The following SPTLC2 variants were observed in gnomAD, a reference collection of about 807,000 sequenced individuals.
SPTLC2 encodes serine palmitoyltransferase 2.
SPTLC2 carries 21 observed loss-of-function variants against 62.0 expected under a neutral mutation model. The ratio of observed to expected loss-of-function variants is 0.34; its 90% CI spans 0.24 to 0.49. SPTLC2 has a LOEUF of 0.49. Among genes scored for constraint, SPTLC2 ranks in the 20% least tolerant of loss-of-function variants. The pLI, the probability that SPTLC2 is intolerant of heterozygous loss-of-function variation, is 0.99. For missense variants in SPTLC2, 511 were observed against 713.0 expected, an observed-to-expected ratio of 0.72 and a Z score of 3.23; for synonymous variants, 261 against 261.8, an observed-to-expected ratio of 1.00 and a Z score of 0.03.
At chr14:77,572,877 G>C (rs2079691584) in intron 4 of SPTLC2, among the ~76,000 whole-genome samples, 1 of 152,158 alleles carries the variant, frequency 6.6e-6, no homozygotes. Flanking sequence ...AAGCGATTAG[G>C]ATCTTCTTCT....
chr14:77,519,229 G>T (rs867881697), intron 10 of SPTLC2, among the ~76,000 whole-genome samples: 1 of 151,876 alleles, frequency 6.6e-6, no homozygotes, highest in Non-Finnish European at 1.5e-5. Context: ...TAGTAGAGAC[G>T]GGGTTTCACC....
intron 9 of SPTLC2, among the ~76,000 whole-genome samples, chr14:77,533,757 C>T (rs982556175): frequency 6.6e-6 from 1 of 152,110 alleles, no homozygotes; most frequent in Non-Finnish European, 1.5e-5. Context: ...GGCAAATGAA[C>T]GTTTAGATTC....
intron 4 of SPTLC2, among the ~76,000 whole-genome samples, chr14:77,576,463 A>C (rs2079716344): frequency 6.6e-6 from 1 of 152,356 alleles, no homozygotes; most frequent in South Asian, 2.1e-4. Flanking sequence ...TGGCACTCTT[A>C]ACCACTAACA....
intron 9 of SPTLC2, among the ~76,000 whole-genome samples, chr14:77,528,857 C>CA (rs2079422115): frequency 6.6e-6 from 1 of 152,004 alleles, no homozygotes; most frequent in South Asian, 2.1e-4. Flanking sequence ...TTTTTTGAGA[C>CA]AGAGTCTCAC....
At position 77,576,843 on chromosome 14, in the gene SPTLC2, A is replaced by G. The variant is rs1186037410; in HGVS notation, c.555T>C (p.Thr185=). ...SYNYLGFARN[T]GSCQEAAAKV... is the part of the protein sequence containing the mutation. ...TGGCGGCTGCTTCTTGACATGATCC[A>G]GTATTCCGTGCAAATCCAAGATAGT... Residue 185 remains threonine (T), a synonymous_variant, in exon 4 of 12, where the codon ACT becomes ACC. Transcript: ENST00000216484. The G allele has an allele frequency of 6.2e-7, 1 of 1,614,184 alleles. No individual in the cohort carries two copies. Among genetic ancestry groups the G allele is most frequent in the Admixed American group, 1.7e-5 (1 of 60,010 alleles).
intron 9 of SPTLC2, among the ~76,000 whole-genome samples, chr14:77,542,847 G>C (rs539089398): frequency 1.3e-5 from 2 of 152,230 alleles, no homozygotes; most frequent in South Asian, 4.1e-4. Context: ...ATTTCCTGAG[G>C]ACTGCCACAG....
chr14:77,593,087 A>G (rs1463476245), intron 2 of SPTLC2, among the ~76,000 whole-genome samples: 1 of 151,700 alleles, frequency 6.6e-6, no homozygotes. Context: ...TGGGCGACAG[A>G]GTGAGACTCC....
intron 8 of SPTLC2, among the ~76,000 whole-genome samples, chr14:77,553,884 G>A (rs564970986): frequency 1.3e-5 from 2 of 152,016 alleles, no homozygotes; most frequent in East Asian, 1.9e-4. Context: ...GTGTAATCAC[G>A]GCTCACTGCA....
At chr14:77,588,961 C>T (rs1238205974) in intron 2 of SPTLC2, among the ~76,000 whole-genome samples, 1 of 118,886 alleles carries the variant, frequency 8.4e-6, no homozygotes, top group Non-Finnish European at 1.6e-5. Flanking sequence ...TGTGCCACTG[C>T]ACTTCAGCCT....
intron 4 of SPTLC2, among the ~76,000 whole-genome samples, chr14:77,570,878 G>A (rs955025346): frequency 7.4e-6 from 1 of 135,288 alleles, no homozygotes; most frequent in Non-Finnish European, 1.6e-5. Flanking sequence ...TAACTGGCCT[G>A]TTGCAAAAAC....
chr14:77,537,840 C>T (rs1424497714), intron 9 of SPTLC2, among the ~76,000 whole-genome samples: 1 of 152,198 alleles, frequency 6.6e-6, no homozygotes, highest in Admixed American at 6.5e-5. Flanking sequence ...GTGCTAACTA[C>T]ATGGTAAGCA....
intron 11 of SPTLC2, among the ~76,000 whole-genome samples, chr14:77,513,768 G>A (rs1408221596): frequency 6.6e-6 from 1 of 152,030 alleles, no homozygotes; most frequent in Non-Finnish European, 1.5e-5. Flanking sequence ...GGTGGCACAT[G>A]CCTGTAATCC....
At chr14:77,558,872 T>C (rs1016913860) in intron 6 of SPTLC2, among the ~76,000 whole-genome samples, 4 of 151,950 alleles carry the variant, frequency 2.6e-5, no homozygotes, top group African/African-American at 9.7e-5. Flanking sequence ...TCTGCCCTCC[T>C]TGGCCTCCCC....
At position 77,529,510 on chromosome 14, in the gene SPTLC2, T is replaced by G. The variant is rs2079426113; in HGVS notation, c.1304-7929A>C. Among the ~76,000 whole-genome samples, 5 of 151,956 alleles carry G rather than the reference T, an allele frequency of 3.3e-5. No homozygotes were observed. In the South Asian group the frequency reaches 1.0e-3, roughly 32 times the overall value. ...CTATTACCAAAGTAATTATGGAAGC[T>G]CTCAGTACTGACTCCCTTTAAGCAA... On this transcript the variant is annotated intron_variant, in intron 9 of 11. Coordinates refer to ENST00000216484, the MANE Select transcript of SPTLC2 (RefSeq NM_004863.4).
intron 1 of SPTLC2, among the ~76,000 whole-genome samples, chr14:77,614,491 CG>C (rs1046818770): frequency 1.1e-4 from 17 of 152,020 alleles, no homozygotes; most frequent in African/African-American, 4.1e-4. Flanking sequence ...AGTGAAACCC[CG>C]TATCTACTAA....
chr14:77,523,359 G>A (rs1370049083), intron 9 of SPTLC2, among the ~76,000 whole-genome samples: 1 of 152,220 alleles, frequency 6.6e-6, no homozygotes, highest in African/African-American at 2.4e-5. Context: ...GCACAGGGAA[G>A]GAGGGCCCAG....
chr14:77,576,744 G>A (rs763836183), intron 4 of SPTLC2, 23 bp downstream of exon 4: 14 of 1,614,052 alleles, frequency 8.7e-6, no homozygotes, highest in Middle Eastern at 3.3e-4. Context: ...AACAGCAGCT[G>A]GCCAAATACA....
At chr14:77,528,324 C>T (rs1355565590) in intron 9 of SPTLC2, among the ~76,000 whole-genome samples, 1 of 152,196 alleles carries the variant, frequency 6.6e-6, no homozygotes, top group Admixed American at 6.5e-5. Context: ...CTCCGCCTCC[C>T]GGGTTCAGGC....
At chr14:77,515,609 G>GTGCGATCTCAGCTCAC (rs1351500485) in intron 11 of SPTLC2, among the ~76,000 whole-genome samples, 6 of 146,430 alleles carry the variant, frequency 4.1e-5, no homozygotes, top group Non-Finnish European at 7.4e-5. Context: ...GAGTGCAGTG[G>GTGCGATCTCAGCTCAC]TGCGATCTCA....
Sources: allele counts gnomAD v4.1 joint callset (sites outside exome capture counted in the v4.1 genomes callset), GRCh38; gene constraint gnomAD v4.1.1; transcripts MANE v1.5; gene names NCBI Gene and HGNC (gene_info 2026-07-23, HGNC 2026-07-21).